Variants in XKR9 observed in about 807,000 individuals in gnomAD.
XKR9 encodes XK related 9.
In XKR9, 32 loss-of-function variants were observed where a neutral mutation model predicts 32.0. The observed-to-expected ratio is 1.00, with a 90% CI of 0.76 to 1.34. The LOEUF (loss-of-function observed/expected upper bound fraction) is 1.34. Ranked by LOEUF, XKR9 falls within the 40% of genes most tolerant of loss-of-function variation. The pLI is 0.00. For missense variants in XKR9, 546 were observed against 429.7 expected, an observed-to-expected ratio of 1.27 and a Z score of -2.39; for synonymous variants, 168 against 143.4, an observed-to-expected ratio of 1.17 and a Z score of -1.22.
At chr8:71,042,642 A>G in the XKR9 span, among the ~76,000 whole-genome samples, 2 of 152,092 alleles carry the variant, frequency 1.3e-5, no homozygotes, top group Non-Finnish European at 1.5e-5. Context: ...CTACAGAAAA[A>G]TGTTTAGTAT....
the XKR9 span, among the ~76,000 whole-genome samples, chr8:70,903,769 G>A: frequency 6.6e-6 from 1 of 151,620 alleles, no homozygotes; most frequent in African/African-American, 2.4e-5. Context: ...TTATCTTGTG[G>A]GCATTTAGTG....
At chr8:70,978,382 C>T in the XKR9 span, among the ~76,000 whole-genome samples, 2 of 152,074 alleles carry the variant, frequency 1.3e-5, no homozygotes, top group Admixed American at 6.5e-5. Flanking sequence ...CTAGTTTTTC[C>T]TTTCCGTGTT....
At chr8:70,873,179 T>C in the XKR9 span, among the ~76,000 whole-genome samples, 17 of 152,308 alleles carry the variant, frequency 1.1e-4, no homozygotes, top group East Asian at 1.4e-3. Context: ...TTACTTCTCA[T>C]TGACAATGCA....
At chr8:70,913,890 T>C in the XKR9 span, among the ~76,000 whole-genome samples, 1 of 152,146 alleles carries the variant, frequency 6.6e-6, no homozygotes, top group Non-Finnish European at 1.5e-5. Context: ...TATTCAATGT[T>C]ATGCTTGGGA....
At chr8:70,822,728 A>G in the XKR9 span, among the ~76,000 whole-genome samples, 1 of 152,044 alleles carries the variant, frequency 6.6e-6, no homozygotes, top group East Asian at 1.9e-4. Flanking sequence ...GTTTCCTTCC[A>G]TCTCTGCCCC....
At chr8:70,794,345 C>A (rs752864966), downstream of XKR9, among the ~76,000 whole-genome samples, 31 of 152,108 alleles carry the variant, frequency 2.0e-4, no homozygotes, top group Middle Eastern at 6.8e-3. Flanking sequence ...CCTTTTATTT[C>A]TTTCTCTTGC....
intron 2 of XKR9, among the ~76,000 whole-genome samples, chr8:70,741,393 C>G (rs1368871552): frequency 1.3e-5 from 2 of 152,208 alleles, no homozygotes. Flanking sequence ...CCTTCCCAGG[C>G]TCTGAAACCA....
At chr8:70,920,693 T>C in the XKR9 span, among the ~76,000 whole-genome samples, 6 of 152,042 alleles carry the variant, frequency 3.9e-5, no homozygotes, top group Non-Finnish European at 8.8e-5. Flanking sequence ...CCTCTTTATA[T>C]ATATTTTTTA....
the XKR9 span, among the ~76,000 whole-genome samples, chr8:70,863,818 G>T: frequency 6.6e-6 from 1 of 152,132 alleles, no homozygotes; most frequent in Non-Finnish European, 1.5e-5. Context: ...CATAATTTTG[G>T]ACTTTATAGA....
At chr8:70,718,360 T>C (rs1319845087) in intron 4 of XKR9, among the ~76,000 whole-genome samples, 3 of 152,138 alleles carry the variant, frequency 2.0e-5, no homozygotes, top group East Asian at 1.9e-4. Flanking sequence ...AATGTGCAGG[T>C]TTGTTACATA....
chr8:70,849,537 A>G, the XKR9 span, among the ~76,000 whole-genome samples: 1 of 152,328 alleles, frequency 6.6e-6, no homozygotes, highest in Non-Finnish European at 1.5e-5. Context: ...TCGACACCCT[A>G]ATATCACAAT....
At chr8:70,899,273 A>G in the XKR9 span, among the ~76,000 whole-genome samples, 1 of 151,686 alleles carries the variant, frequency 6.6e-6, no homozygotes, top group African/African-American at 2.4e-5. Context: ...CTCTAAATTT[A>G]TTACTTTCAT....
intron 3 of XKR9, among the ~76,000 whole-genome samples, chr8:70,690,415 C>T (rs1819471547): frequency 2.0e-5 from 3 of 152,006 alleles, no homozygotes; most frequent in African/African-American, 4.8e-5. Flanking sequence ...CTGCAACCTC[C>T]GCCTCCCAGG....
Position 70,701,201 on chromosome 8 carries a change from C to T in XKR9, c.273-5732C>T, listed in dbSNP as rs141962693. 6.7e-4 allele frequency among the ~76,000 whole-genome samples: 102 copies of T among 152,316 alleles called. 2 individuals carry two copies. In the East Asian group the frequency reaches 0.014, roughly 20 times the overall value. On this transcript the variant is annotated intron_variant, in intron 3 of 4. Coordinates refer to ENST00000408926, the MANE Select transcript of XKR9 (RefSeq NM_001011720.2). ...ACAGTGTGCTGCACTCACTGTCCTG[C>T]GCCCACTCTCTGGCACTCCCTAGTG...
At chr8:70,936,365 C>T in the XKR9 span, among the ~76,000 whole-genome samples, 5 of 152,008 alleles carry the variant, frequency 3.3e-5, no homozygotes, top group African/African-American at 9.7e-5. Flanking sequence ...GAGTTAGTGG[C>T]TTTCCTTACA....
intron 3 of XKR9, among the ~76,000 whole-genome samples, chr8:70,692,440 G>A (rs911296040): frequency 3.3e-5 from 5 of 152,070 alleles, no homozygotes; most frequent in African/African-American, 1.2e-4. Context: ...CTCTGGCTAG[G>A]ACTTCCAATA....
the XKR9 span, among the ~76,000 whole-genome samples, chr8:70,879,845 T>C: frequency 1.3e-5 from 2 of 152,014 alleles, no homozygotes; most frequent in Non-Finnish European, 2.9e-5. Context: ...TAGACCAATA[T>C]CCCTGATGAA....
intron 2 of XKR9, among the ~76,000 whole-genome samples, chr8:70,761,038 T>G (rs893373442): frequency 2.0e-5 from 3 of 152,364 alleles, no homozygotes; most frequent in Non-Finnish European, 2.9e-5. Context: ...GCAAAAGACA[T>G]GATCTTATTC....
At chr8:71,040,742 G>T in the XKR9 span, among the ~76,000 whole-genome samples, 12 of 152,010 alleles carry the variant, frequency 7.9e-5, no homozygotes, top group African/African-American at 2.4e-4. Flanking sequence ...CATTTAATGA[G>T]AAAAGTATTA....
Sources: allele counts gnomAD v4.1 joint callset (sites outside exome capture counted in the v4.1 genomes callset), GRCh38; gene constraint gnomAD v4.1.1; transcripts MANE v1.5; gene names NCBI Gene and HGNC (gene_info 2026-07-23, HGNC 2026-07-21).